Variants in ARHGAP42 observed in about 807,000 individuals in gnomAD.
ARHGAP42 encodes rho GTPase-activating protein 42.
A neutral mutation model predicts 125.0 loss-of-function variants in ARHGAP42; 63 were observed. That is an observed-to-expected ratio of 0.50 (90% CI 0.41 to 0.62). ARHGAP42 has a LOEUF of 0.62. Among genes scored for constraint, ARHGAP42 ranks in the 20% least tolerant of loss-of-function variants. The probability of loss-of-function intolerance (pLI) is 0.00; values close to 1 mark genes in which losing one functional copy is unlikely to be tolerated. For synonymous variants in ARHGAP42, 339 were observed against 351.0 expected (o/e 0.97, Z 0.38); for missense variants, 766 against 1,024.2 (o/e 0.75, Z 3.44).
Position 100,838,723 on chromosome 11 carries a change from A to G in ARHGAP42, c.313-20831A>G, listed in dbSNP as rs79954455. ...CAAAACAAAATAAAACAAAAACACCAAGAAAAAAAAAATCATAGTGTTTAA... is the reference window on the plus strand; with the variant it reads ...CAAAACAAAATAAAACAAAAACACCGAGAAAAAAAAAATCATAGTGTTTAA... On this transcript the variant is annotated intron_variant, in intron 3 of 23. Transcript: ENST00000298815. 3.2e-4 allele frequency among the ~76,000 whole-genome samples: 43 copies of G among 136,202 alleles called. No homozygotes were observed. The East Asian group carries it at 7.3e-3, about 23-fold the overall frequency. The allele number at this position is 136,202 out of a possible 152,430, so 89.4% of individuals were successfully genotyped here. A position where few individuals can be genotyped will look rare whatever the true frequency, so the allele number is the denominator to read the frequency against.
rs1338188217 is a variant in ARHGAP42, at chr11:100,845,315, T to C, written c.313-14239T>C. On this transcript the variant is annotated intron_variant, in intron 3 of 23. Transcript: ENST00000298815. ...GCTAAGCTATGAGGATGCGAAGGCA[T>C]GAGAATGATACAATGGACTTTGGGG... Among the ~76,000 whole-genome samples the C allele has an allele frequency of 3.3e-5, 5 of 151,862 alleles. No individual in the cohort carries two copies. In the East Asian group the frequency reaches 9.7e-4, roughly 29 times the overall value.
chr11:100,709,024 A>G (rs1415088405), intron 1 of ARHGAP42, among the ~76,000 whole-genome samples: 4 of 152,040 alleles, frequency 2.6e-5, no homozygotes, highest in East Asian at 3.9e-4. Context: ...TGATCTGTCA[A>G]TCTGCTACCT....
At chr11:100,844,921 A>C (rs1019409830) in intron 3 of ARHGAP42, among the ~76,000 whole-genome samples, 4 of 152,170 alleles carry the variant, frequency 2.6e-5, no homozygotes, top group African/African-American at 9.7e-5. Context: ...CATTTGATCC[A>C]GCAATCCCAC....
chr11:100,704,604 T>A (rs1591117106), intron 1 of ARHGAP42, among the ~76,000 whole-genome samples: 1 of 151,752 alleles, frequency 6.6e-6, no homozygotes. Context: ...TATCCACCGG[T>A]AAGAGGGGAT....
chr11:100,835,655 G>T (rs1864769143), intron 3 of ARHGAP42, among the ~76,000 whole-genome samples: 1 of 152,100 alleles, frequency 6.6e-6, no homozygotes, highest in South Asian at 2.1e-4. Flanking sequence ...ATTCCAGAAG[G>T]GGTACACTTT....
chr11:100,727,515 CT>C (rs1265414782), intron 1 of ARHGAP42, among the ~76,000 whole-genome samples: 1 of 152,166 alleles, frequency 6.6e-6, no homozygotes, highest in Non-Finnish European at 1.5e-5. Flanking sequence ...AAGCCTTGAA[CT>C]TTCAGCTCCA....
At chr11:100,795,020 G>T in intron 2 of ARHGAP42, 85 bp from the exon 3 acceptor site, 1 of 1,025,718 alleles carries the variant, frequency 9.7e-7, no homozygotes, top group Non-Finnish European at 1.4e-6. Context: ...TTAATAACCA[G>T]CTTTCTTGTA....
intron 4 of ARHGAP42, among the ~76,000 whole-genome samples, chr11:100,889,727 A>G (rs980393575): frequency 6.6e-6 from 1 of 152,196 alleles, no homozygotes; most frequent in Non-Finnish European, 1.5e-5. Context: ...TCTCTGGAAG[A>G]TGAGAGGCAG....
intron 3 of ARHGAP42, among the ~76,000 whole-genome samples, chr11:100,840,290 C>G (rs929414924): frequency 1.5e-4 from 23 of 152,094 alleles, no homozygotes; most frequent in African/African-American, 4.6e-4. Flanking sequence ...ACACTTTTGT[C>G]AGTAATGGTG....
chr11:100,871,527 C>T (rs1424693347), intron 4 of ARHGAP42, among the ~76,000 whole-genome samples: 3 of 128,860 alleles, frequency 2.3e-5, no homozygotes, highest in Non-Finnish European at 3.2e-5. Flanking sequence ...GCCTGGGTGA[C>T]GGAGGGAGAC....
At chr11:100,690,439 C>T (rs1861167283) in intron 1 of ARHGAP42, among the ~76,000 whole-genome samples, 1 of 152,040 alleles carries the variant, frequency 6.6e-6, no homozygotes, top group African/African-American at 2.4e-5. Context: ...CACACATGCT[C>T]CTTGCTCTGT....
At chr11:100,731,396 G>C (rs1006041738) in intron 1 of ARHGAP42, among the ~76,000 whole-genome samples, 9 of 152,036 alleles carry the variant, frequency 5.9e-5, no homozygotes, top group African/African-American at 9.7e-5. Context: ...TGATCCATCC[G>C]CCTCAGACTC....
chr11:100,794,987 A>T lies in ARHGAP42; in HGVS notation c.251-118A>T, dbSNP rs1373180356. ...AATATAGTATATTCAAATTAATAGT[A>T]TACAGAATATACTATATACAAATTA... On this transcript the variant is annotated intron_variant, in intron 2 of 23. Transcript: ENST00000298815. 4.4e-6 allele frequency: 3 copies of T among 681,234 alleles called. No individual in the cohort carries two copies. In the African/African-American group the frequency reaches 5.5e-5, roughly 13 times the overall value. The allele number at this position is 681,234 out of a possible 1,614,324, so 42.2% of individuals were successfully genotyped here.
At chr11:100,921,645 A>G (rs761566078) in intron 6 of ARHGAP42, 41 bp downstream of exon 6, 1 of 1,219,244 alleles carries the variant, frequency 8.2e-7, no homozygotes. Context: ...GCTCAAAACA[A>G]TCTATGGAAA....
intron 1 of ARHGAP42, among the ~76,000 whole-genome samples, chr11:100,731,598 T>C (rs1251867607): frequency 6.6e-6 from 1 of 152,236 alleles, no homozygotes; most frequent in African/African-American, 2.4e-5. Flanking sequence ...GTTCTTTAAA[T>C]AGATAAGACT....
At chr11:100,693,294 C>T (rs1861221911) in intron 1 of ARHGAP42, among the ~76,000 whole-genome samples, 1 of 152,062 alleles carries the variant, frequency 6.6e-6, no homozygotes, top group East Asian at 1.9e-4. Context: ...TTACTTCAAC[C>T]ATTCATTTAC....
chr11:100,861,612 A>G (rs1283500305), intron 4 of ARHGAP42, among the ~76,000 whole-genome samples: 1 of 152,212 alleles, frequency 6.6e-6, no homozygotes, highest in African/African-American at 2.4e-5. Context: ...GAAGTGGGTT[A>G]CATACTGGAA....
chr11:100,985,316 T>C (rs1361794494), intron 22 of ARHGAP42, among the ~76,000 whole-genome samples: 2 of 152,204 alleles, frequency 1.3e-5, no homozygotes, highest in Non-Finnish European at 2.9e-5. Flanking sequence ...ATATGACTTA[T>C]TGTTTACTGG....
At chr11:100,886,775 T>G (rs981114088) in intron 4 of ARHGAP42, among the ~76,000 whole-genome samples, 1 of 152,208 alleles carries the variant, frequency 6.6e-6, no homozygotes, top group East Asian at 1.9e-4. Context: ...GTTTGCAAGA[T>G]TCCAATAGCC....
Sources: allele counts gnomAD v4.1 joint callset (sites outside exome capture counted in the v4.1 genomes callset), GRCh38; gene constraint gnomAD v4.1.1; transcripts MANE v1.5; gene names NCBI Gene and HGNC (gene_info 2026-07-23, HGNC 2026-07-21).